The following INPP4B variants were observed in gnomAD, a reference collection of about 807,000 sequenced individuals.
INPP4B encodes the protein inositol polyphosphate 4-phosphatase type II.
In INPP4B, 55 loss-of-function variants were observed where a neutral mutation model predicts 122.5. The observed-to-expected ratio is 0.45, with a 90% CI of 0.36 to 0.56. The LOEUF is 0.56. Among genes scored for constraint, INPP4B ranks in the 20% least tolerant of loss-of-function variants. The pLI, the probability that INPP4B is intolerant of heterozygous loss-of-function variation, is 0.00. For synonymous variants in INPP4B, 403 were observed against 388.7 expected (o/e 1.04, Z -0.43); for missense variants, 1,000 against 1,097.7 (o/e 0.91, Z 1.26).
intron 2 of INPP4B, among the ~76,000 whole-genome samples, chr4:142,624,031 G>C (rs527236711): frequency 2.6e-5 from 4 of 151,948 alleles, no homozygotes; most frequent in Non-Finnish European, 4.4e-5. Context: ...ATAAACATAC[G>C]TGTGCATGTG....
intron 1 of INPP4B, among the ~76,000 whole-genome samples, chr4:142,806,749 AAG>A (rs200007483): frequency 0.021 from 3,079 of 143,624 alleles, 64 homozygotes; most frequent in Middle Eastern, 0.086. Flanking sequence ...GTTAAAAAAA[AAG>A]AAGAAGAAGA....
At chr4:142,582,613 A>C (rs1355669020) in intron 2 of INPP4B, among the ~76,000 whole-genome samples, 2 of 152,120 alleles carry the variant, frequency 1.3e-5, no homozygotes, top group Non-Finnish European at 2.9e-5. Context: ...TATAAAGAAA[A>C]TGGTCTAACC....
At chr4:142,645,821 T>C (rs1314086237) in intron 2 of INPP4B, among the ~76,000 whole-genome samples, 2 of 152,186 alleles carry the variant, frequency 1.3e-5, no homozygotes, top group Non-Finnish European at 2.9e-5. Context: ...GCCTAATTAA[T>C]ACTGTAAGCA....
chr4:142,793,883 A>T (rs1360570272), intron 1 of INPP4B, among the ~76,000 whole-genome samples: 2 of 152,034 alleles, frequency 1.3e-5, no homozygotes, highest in African/African-American at 4.8e-5. Flanking sequence ...TGAAAATACT[A>T]TAAAGCTTTA....
intron 2 of INPP4B, among the ~76,000 whole-genome samples, chr4:142,585,941 T>C (rs1736104397): frequency 6.6e-6 from 1 of 151,904 alleles, no homozygotes; most frequent in African/African-American, 2.4e-5. Flanking sequence ...ACGTGTGCCA[T>C]GTTGGTTTGC....
At chr4:142,450,628 A>G (rs1813937371) in intron 3 of INPP4B, among the ~76,000 whole-genome samples, 1 of 152,180 alleles carries the variant, frequency 6.6e-6, no homozygotes, top group Non-Finnish European at 1.5e-5. Context: ...GAGGACGTTT[A>G]TGTGCCATGC....
chr4:142,510,353 T>G (rs1824552906), intron 2 of INPP4B, among the ~76,000 whole-genome samples: 1 of 152,304 alleles, frequency 6.6e-6, no homozygotes, highest in South Asian at 2.1e-4. Context: ...AGATGCTCTT[T>G]CAGTAGCTGG....
At chr4:142,630,810 G>C (rs762459662) in intron 2 of INPP4B, among the ~76,000 whole-genome samples, 2 of 152,062 alleles carry the variant, frequency 1.3e-5, no homozygotes, top group Admixed American at 6.6e-5. Context: ...GAGGTGGTAG[G>C]TAAGTCTATC....
chr4:142,299,144 T>C (rs1579649607), intron 9 of INPP4B, among the ~76,000 whole-genome samples: 1 of 146,206 alleles, frequency 6.8e-6, no homozygotes, highest in East Asian at 2.0e-4. Context: ...TTCACTTTTT[T>C]TTTCTTTCTT....
intron 2 of INPP4B, among the ~76,000 whole-genome samples, chr4:142,506,673 T>C (rs1824069291): frequency 6.6e-6 from 1 of 152,172 alleles, no homozygotes; most frequent in South Asian, 2.1e-4. Context: ...GGCCCCTCCT[T>C]TCTTACTGTG....
intron 2 of INPP4B, among the ~76,000 whole-genome samples, chr4:142,631,248 A>C (rs1747885437): frequency 6.6e-6 from 1 of 152,106 alleles, no homozygotes; most frequent in Non-Finnish European, 1.5e-5. Context: ...TGGAGCCATA[A>C]GAAATGGTGA....
intron 1 of INPP4B, among the ~76,000 whole-genome samples, chr4:142,825,112 T>A (rs555111741): frequency 1.3e-5 from 2 of 152,258 alleles, no homozygotes; most frequent in Admixed American, 1.3e-4. Flanking sequence ...CTTTGACATA[T>A]TTTAAAGGGC....
intron 1 of INPP4B, among the ~76,000 whole-genome samples, chr4:142,805,221 A>G (rs1219222158): frequency 6.6e-6 from 1 of 152,232 alleles, no homozygotes; most frequent in Non-Finnish European, 1.5e-5. Context: ...AATTTCACTG[A>G]AAAATATTCT....
At chr4:142,176,118 T>TTATTA (rs1828069704) in intron 15 of INPP4B, among the ~76,000 whole-genome samples, 1 of 137,620 alleles carries the variant, frequency 7.3e-6, no homozygotes, top group Non-Finnish European at 1.5e-5. Flanking sequence ...ACTGCTTTCT[T>TTATTA]TTATTATTAT....
At chr4:142,286,146 A>C (rs1432009280) in intron 9 of INPP4B, among the ~76,000 whole-genome samples, 1 of 152,220 alleles carries the variant, frequency 6.6e-6, no homozygotes, top group Non-Finnish European at 1.5e-5. Flanking sequence ...TTCCGCTTTA[A>C]TTCATGTTAA....
Position 142,199,163 on chromosome 4 carries a change from A to T in INPP4B, c.1073-5968T>A, listed in dbSNP as rs189271875. The stretch of plus-strand genomic sequence containing the variant: ...TTTAATGTCTTTTTCTCCAAACGGA[A>T]ATCATTGTAATGTTGTAGGTGTTCA... On this transcript the variant is annotated intron_variant, in intron 14 of 25. Transcript: ENST00000262992. Among the ~76,000 whole-genome samples, 674 of 152,208 alleles carry T rather than the reference A, an allele frequency of 4.4e-3. 3 individuals are homozygous for T. Among genetic ancestry groups the T allele is most frequent in the African/African-American group, 0.015 (639 of 41,572 alleles).
intron 1 of INPP4B, among the ~76,000 whole-genome samples, chr4:142,836,982 A>G (rs543135198): frequency 1.6e-4 from 24 of 151,784 alleles, no homozygotes; most frequent in African/African-American, 5.6e-4. Context: ...CCTCACCAAC[A>G]TGGTGAAACC....
chr4:142,774,864 T>C (rs550365107), intron 1 of INPP4B, among the ~76,000 whole-genome samples: 1 of 152,180 alleles, frequency 6.6e-6, no homozygotes, highest in African/African-American at 2.4e-5. Flanking sequence ...TGAACCTATA[T>C]TGATATAATA....
chr4:142,327,033 G>A (rs750394240), intron 7 of INPP4B, among the ~76,000 whole-genome samples: 4 of 151,982 alleles, frequency 2.6e-5, no homozygotes, highest in Non-Finnish European at 4.4e-5. Context: ...TCTTCCCTAG[G>A]GCTGCTTAAT....
Sources: gnomAD v4.1 joint callset for allele counts (sites outside exome capture counted in the v4.1 genomes callset) on GRCh38, gnomAD v4.1.1 for gene constraint, MANE v1.5 for transcripts, NCBI Gene and HGNC (gene_info 2026-07-23, HGNC 2026-07-21) for gene names.